Variants in HOXA3 observed in about 807,000 individuals in gnomAD.
HOXA3 encodes the protein homeobox protein Hox-A3.
In HOXA3, 8 loss-of-function variants were observed where a neutral mutation model predicts 30.3. That is an observed-to-expected ratio of 0.26 (90% CI 0.15 to 0.48). HOXA3 has a LOEUF of 0.48. HOXA3 is among the 20% of genes least tolerant of loss of function. HOXA3 has a pLI of 0.99. For missense variants in HOXA3, 653 were observed against 614.4 expected (o/e 1.06, Z -0.66); for synonymous variants, 323 against 273.1 (o/e 1.18, Z -1.80).
intron 4 of HOXA3, 87 bp from the exon 5 acceptor site, chr7:27,110,847 G>A: frequency 1.5e-6 from 1 of 680,438 alleles, no homozygotes. Flanking sequence ...AGCCATAAAA[G>A]AAAAAGTGGT....
chr7:27,110,540 G>A lies in HOXA3; in HGVS notation c.101C>T (p.Pro34Leu). 1 of 1,606,574 alleles carries A rather than the reference G, an allele frequency of 6.2e-7. No homozygotes were observed. Among genetic ancestry groups the A allele is most frequent in the Non-Finnish European group, 8.5e-7 (1 of 1,174,924 alleles). ...GTCGGCGCCCAAAGCGGCGGACGCCGGGTACGGCTGCTGATTGGCATTATA... is the reference window on the plus strand; with the variant it reads ...GTCGGCGCCCAAAGCGGCGGACGCCAGGTACGGCTGCTGATTGGCATTATA... ...FAYNANQQPY[P>L]ASAALGADGE... The change falls in exon 5 of 6, where the codon CCG (proline) becomes CTG (leucine). Residue 34 changes from proline to leucine, a missense_variant. Physicochemically the swap from Pro to Leu is moderately conservative, Grantham distance 98 (BLOSUM62 -3). Around this residue, in one of 3 missense-constraint regions of HOXA3, gnomAD observed 320 missense variants for 321.9 expected, o/e 0.99. Coordinates refer to ENST00000612286, the MANE Select transcript of HOXA3 (RefSeq NM_153631.3).
At chr7:27,130,759 AT>A (rs1785521467) in intron 2 of HOXA3, 2 of 1,591,308 alleles carry the variant, frequency 1.3e-6, no homozygotes, top group Non-Finnish European at 1.7e-6. Flanking sequence ...AAAAATACTA[AT>A]TTTTCTCGCG....
At chr7:27,121,220 C>CGTGT (rs142198002) in intron 4 of HOXA3, 43,895 of 137,394 alleles carry the variant, frequency 0.32, 8,132 homozygotes, top group East Asian at 0.43. Context: ...CCACTGTGTG[C>CGTGT]GTGTGTGTGT....
At chr7:27,139,955 G>A (rs1782489718) in intron 2 of HOXA3, 128 bp downstream of exon 2, 1 of 151,768 alleles carries the variant, frequency 6.6e-6, no homozygotes, top group African/African-American at 2.4e-5. Flanking sequence ...CAGAGGGAAA[G>A]TTTGCTCTGC....
At chr7:27,151,646 G>C (rs765093010) in intron 1 of HOXA3, 2 of 456,592 alleles carry the variant, frequency 4.4e-6, no homozygotes, top group Non-Finnish European at 8.8e-6. Context: ...CGGGCGAAGG[G>C]AAGCCGGCAA....
intron 2 of HOXA3, among the ~76,000 whole-genome samples, chr7:27,127,719 G>T (rs1279872369): frequency 2.6e-5 from 4 of 152,130 alleles, no homozygotes; most frequent in Non-Finnish European, 2.9e-5. Context: ...TTGATTTTCA[G>T]CCTTTTGGAT....
At chr7:27,124,110 C>G (rs967477256) in intron 3 of HOXA3, 13 of 152,250 alleles carry the variant, frequency 8.5e-5, no homozygotes, top group African/African-American at 3.1e-4. Flanking sequence ...ATCTCCAAGT[C>G]TAATATTCAT....
chr7:27,141,864 C>T lies in HOXA3; in HGVS notation c.-493-1678G>A, dbSNP rs776801900. On this transcript the variant is annotated intron_variant, in intron 1 of 5. Coordinates refer to ENST00000612286, the MANE Select transcript of HOXA3 (RefSeq NM_153631.3). ...GGACGGAAGGCCCCTCCTGCCGCGG[C>T]CATGCTCATGCTTTTCAGCTTATTA... 3 of 1,614,206 alleles carry T rather than the reference C, an allele frequency of 1.9e-6. No homozygotes were observed. In the Admixed American group the frequency reaches 5.0e-5, roughly 27 times the overall value.
At chr7:27,124,858 G>A (rs1785213276) in intron 3 of HOXA3, among the ~76,000 whole-genome samples, 1 of 152,142 alleles carries the variant, frequency 6.6e-6, no homozygotes, top group South Asian at 2.1e-4. Flanking sequence ...CATGGAAATA[G>A]CAGGGCAAGC....
chr7:27,131,831 C>T (rs1785569824), intron 2 of HOXA3, among the ~76,000 whole-genome samples: 1 of 152,172 alleles, frequency 6.6e-6, no homozygotes, highest in Non-Finnish European at 1.5e-5. Flanking sequence ...TCTTTTAGAT[C>T]CTGCTTTCTC....
chr7:27,118,269 G>A (rs184758774), intron 4 of HOXA3, among the ~76,000 whole-genome samples: 60 of 152,334 alleles, frequency 3.9e-4, no homozygotes, highest in African/African-American at 1.3e-3. Flanking sequence ...GAAGGGGAAG[G>A]AGAAGGAGGA....
chr7:27,147,220 A>C (rs747611568), intron 1 of HOXA3: 13 of 1,261,326 alleles, frequency 1.0e-5, no homozygotes, highest in Non-Finnish European at 1.4e-5. Context: ...CTTTCTCTCT[A>C]TTCCTCTTTC....
intron 2 of HOXA3, chr7:27,130,927 C>T: frequency 1.6e-6 from 1 of 624,376 alleles, no homozygotes; most frequent in Non-Finnish European, 2.9e-6. Context: ...CCTCCCCAGC[C>T]CAGCGCGCGC....
intron 1 of HOXA3, chr7:27,140,434 A>G (rs1562727379): frequency 6.6e-6 from 1 of 152,240 alleles, no homozygotes; most frequent in Non-Finnish European, 1.5e-5. Flanking sequence ...ACTGTTTTAT[A>G]ACTTTTAAAA....
At chr7:27,111,455 G>A (rs931365848) in intron 4 of HOXA3, among the ~76,000 whole-genome samples, 2 of 150,548 alleles carry the variant, frequency 1.3e-5, no homozygotes, top group East Asian at 2.0e-4. Flanking sequence ...AAGCCAAGGG[G>A]GGAGGGAAAA....
chr7:27,147,657 G>A (rs1782824183), intron 1 of HOXA3: 1 of 1,614,086 alleles, frequency 6.2e-7, no homozygotes, highest in Admixed American at 1.7e-5. Flanking sequence ...GCGCGTCATA[G>A]CCAGCCTGGT....
intron 2 of HOXA3, chr7:27,130,068 C>T (rs1451353436): frequency 6.5e-7 from 1 of 1,540,288 alleles, no homozygotes; most frequent in African/African-American, 1.4e-5. Flanking sequence ...CCCTCGAACC[C>T]AGGCCCAGCC....
At chr7:27,127,615 T>C (rs1785342296) in intron 2 of HOXA3, among the ~76,000 whole-genome samples, 1 of 152,210 alleles carries the variant, frequency 6.6e-6, no homozygotes, top group African/African-American at 2.4e-5. Context: ...TGTGCACAGG[T>C]TTTTGTGGTC....
chr7:27,145,461 T>G (rs200198024), intron 1 of HOXA3: 90 of 194,428 alleles, frequency 4.6e-4, no homozygotes, highest in Middle Eastern at 1.7e-3. Flanking sequence ...TGTTTTGTTT[T>G]GTTTTGTTTT....
Sources: allele counts gnomAD v4.1 joint callset (sites outside exome capture counted in the v4.1 genomes callset), GRCh38; gene constraint gnomAD v4.1.1; regional missense constraint gnomAD v4.1.1; transcripts MANE v1.5; gene names NCBI Gene and HGNC (gene_info 2026-07-23, HGNC 2026-07-21).